The following UPK1B variants were observed in gnomAD, a reference collection of about 807,000 sequenced individuals.
UPK1B encodes uroplakin 1B, also known as uroplakin-1b.
UPK1B carries 28 observed loss-of-function variants against 34.2 expected under a neutral mutation model. The ratio of observed to expected loss-of-function variants is 0.82; its 90% CI spans 0.61 to 1.12. The LOEUF (loss-of-function observed/expected upper bound fraction) is 1.12. UPK1B is among the 50% of genes most tolerant of loss of function. The pLI, the probability that UPK1B is intolerant of heterozygous loss-of-function variation, is 0.00. For missense variants in UPK1B, 325 were observed against 320.9 expected (o/e 1.01, Z -0.10); for synonymous variants, 81 against 110.4 (o/e 0.73, Z 1.67).
At chr3:119,185,139 T>C (rs1259393058) in intron 1 of UPK1B, among the ~76,000 whole-genome samples, 1 of 152,220 alleles carries the variant, frequency 6.6e-6, no homozygotes. Context: ...ATTCTTCCAT[T>C]TCTCCAGCAA....
At position 119,179,380 on chromosome 3, in the gene UPK1B, T is replaced by C. The variant is rs1394344070; in HGVS notation, c.-29+5742T>C. On this transcript the variant is annotated intron_variant, in intron 1 of 7. Transcript: ENST00000264234. ...ATATATATATATATATATATATATA[T>C]ATATATATATATATATATTAATTCT... Among the ~76,000 whole-genome samples the C allele has an allele frequency of 1.8e-3, 157 of 85,286 alleles. 7 individuals are homozygous for C. Among genetic ancestry groups the C allele is most frequent in the Middle Eastern group, 4.9e-3 (1 of 206 alleles). 56.0% of individuals were successfully genotyped at this position (85,286 alleles called of 152,430 possible). A position where few individuals can be genotyped will look rare whatever the true frequency, so the allele number is the denominator to read the frequency against.
chr3:119,178,638 A>C (rs1576865406), intron 1 of UPK1B, among the ~76,000 whole-genome samples: 1 of 152,354 alleles, frequency 6.6e-6, no homozygotes, highest in Non-Finnish European at 1.5e-5. Flanking sequence ...TTTAGCATAG[A>C]CAGGTGGTAG....
chr3:119,184,988 C>G (rs1233089035), intron 1 of UPK1B, among the ~76,000 whole-genome samples: 1 of 152,238 alleles, frequency 6.6e-6, no homozygotes, highest in Non-Finnish European at 1.5e-5. Flanking sequence ...ACTCAACCAG[C>G]TACATGAGTA....
In UPK1B at chr3:119,173,790, G is replaced by A. The variant is rs150872077; in HGVS notation, c.-29+152G>A. ...GTCATTTTTTTCTTTGTAATTTAGG[G>A]TATTGTGACTGTCCTGTTCTCTTTT... On this transcript the variant is annotated intron_variant, in intron 1 of 7. Coordinates refer to ENST00000264234, the MANE Select transcript of UPK1B (RefSeq NM_006952.4). Among the ~76,000 whole-genome samples, 426 of 152,178 alleles carry A rather than the reference G, an allele frequency of 2.8e-3. 1 individual carries two copies. Among genetic ancestry groups the A allele is most frequent in the African/African-American group, 1.0e-2 (415 of 41,526 alleles).
At chr3:119,179,854 A>C (rs1270065050) in intron 1 of UPK1B, among the ~76,000 whole-genome samples, 1 of 101,920 alleles carries the variant, frequency 9.8e-6, no homozygotes, top group Non-Finnish European at 1.8e-5. Context: ...AGACGAGTGC[A>C]ATGGCGCAAT....
At chr3:119,187,673 G>A in intron 2 of UPK1B, 102 bp from the exon 3 acceptor site, 1 of 1,243,794 alleles carries the variant, frequency 8.0e-7, no homozygotes, top group Non-Finnish European at 1.2e-6. Flanking sequence ...GTTGCATAAA[G>A]CCTGTGCAGG....
intron 6 of UPK1B, among the ~76,000 whole-genome samples, chr3:119,197,782 A>G (rs569432137): frequency 6.6e-6 from 1 of 152,330 alleles, no homozygotes; most frequent in East Asian, 1.9e-4. Flanking sequence ...ATAGGCCATG[A>G]GCAGAAATAA....
intron 1 of UPK1B, among the ~76,000 whole-genome samples, chr3:119,180,632 G>A (rs372648342): frequency 2.0e-5 from 3 of 150,884 alleles, no homozygotes; most frequent in African/African-American, 2.4e-5. Flanking sequence ...TTCTTTCTCC[G>A]TGCCTATCCT....
chr3:119,199,104 G>T lies in UPK1B; in HGVS notation c.696G>T (p.Gly232=), dbSNP rs1559904422. 1 of 1,614,106 alleles carries T rather than the reference G, an allele frequency of 6.2e-7. No individual in the cohort carries two copies. Among genetic ancestry groups the T allele is most frequent in the Non-Finnish European group, 8.5e-7 (1 of 1,179,978 alleles). The change falls in exon 7 of 8, where the codon GGG becomes GGT. Residue 232 remains glycine (G), a synonymous_variant. Transcript: ENST00000264234. ...GTCCAATGAACCGACACGCCTGGGG[G>T]GTTGCCTGGTTTGGATTTGCCATTC... is the stretch of plus-strand genomic sequence containing the variant. ...ISGPMNRHAW[G]VAWFGFAILC...
intron 1 of UPK1B, among the ~76,000 whole-genome samples, chr3:119,184,330 G>T (rs1216266016): frequency 6.6e-6 from 1 of 152,130 alleles, no homozygotes; most frequent in East Asian, 1.9e-4. Context: ...GACCAATAAA[G>T]CCCCTCAGCG....
chr3:119,182,630 T>C (rs947657804), intron 1 of UPK1B, among the ~76,000 whole-genome samples: 1 of 152,232 alleles, frequency 6.6e-6, no homozygotes, highest in Non-Finnish European at 1.5e-5. Flanking sequence ...AACTCTGGCA[T>C]TCTGATGCCA....
intron 4 of UPK1B, 110 bp downstream of exon 4, chr3:119,190,429 T>C (rs1275136768): frequency 2.9e-6 from 2 of 681,880 alleles, no homozygotes; most frequent in Non-Finnish European, 2.5e-6. Context: ...ACAGTAATAA[T>C]ACATCTATCA....
At chr3:119,186,650 C>A (rs1421077348) in intron 1 of UPK1B, 64 bp from the exon 2 acceptor site, 6 of 1,282,272 alleles carry the variant, frequency 4.7e-6, no homozygotes, top group Non-Finnish European at 6.7e-6. Flanking sequence ...GGAGGCAATA[C>A]GCAATGGCTT....
chr3:119,176,765 A>C (rs2077958847), intron 1 of UPK1B, among the ~76,000 whole-genome samples: 1 of 152,200 alleles, frequency 6.6e-6, no homozygotes. Context: ...CTGCCAGATA[A>C]GTAATCCAAT....
intron 1 of UPK1B, chr3:119,176,013 T>G (rs1028432269): frequency 3.3e-5 from 5 of 152,152 alleles, no homozygotes; most frequent in Non-Finnish European, 5.9e-5. Context: ...TATCCTACCT[T>G]AAGTTGAAGC....
chr3:119,184,786 C>T (rs1045603207), intron 1 of UPK1B, among the ~76,000 whole-genome samples: 1 of 152,204 alleles, frequency 6.6e-6, no homozygotes, highest in African/African-American at 2.4e-5. Flanking sequence ...TTATTTCACA[C>T]AGTACATAAT....
chr3:119,178,495 A>G (rs1003022834), intron 1 of UPK1B, among the ~76,000 whole-genome samples: 1 of 152,174 alleles, frequency 6.6e-6, no homozygotes, highest in Non-Finnish European at 1.5e-5. Context: ...AGGACAGTGG[A>G]TCTCAAGATT....
At position 119,186,763 on chromosome 3, in the gene UPK1B, G is replaced by A. The variant is rs745378204; in HGVS notation, c.22G>A (p.Val8Ile). MAKDNST[V>I]RCFQGLLIFG... ...GAAGATGGCCAAAGACAACTCAACT[G>A]TTCGTTGCTTCCAGGGCCTGCTGAT... is the stretch of plus-strand genomic sequence containing the variant. Residue 8 changes from valine to isoleucine, a missense_variant, in exon 2 of 8, where the codon GTT becomes ATT. Physicochemically the swap from Val to Ile is conservative, Grantham distance 29. Transcript: ENST00000264234. The A allele has an allele frequency of 6.2e-7, 1 of 1,614,128 alleles. No individual in the cohort carries two copies. Among genetic ancestry groups the A allele is most frequent in the Non-Finnish European group, 8.5e-7 (1 of 1,180,002 alleles).
Position 119,175,647 on chromosome 3 carries a change from C to G in UPK1B, c.-29+2009C>G, listed in dbSNP as rs914609672. Among the ~76,000 whole-genome samples the G allele has an allele frequency of 7.2e-5, 11 of 151,792 alleles. No homozygotes were observed. The South Asian group carries it at 8.3e-4, about 12-fold the overall frequency. ...GCAACTGAGTGCTCCTGAGCCATTG[C>G]TTACAGCTAGTCCCTGATTTCCAAT... On this transcript the variant is annotated intron_variant, in intron 1 of 7. Coordinates refer to ENST00000264234, the MANE Select transcript of UPK1B (RefSeq NM_006952.4).
Sources: gnomAD v4.1 joint callset for allele counts (sites outside exome capture counted in the v4.1 genomes callset) on GRCh38, gnomAD v4.1.1 for gene constraint, MANE v1.5 for transcripts, NCBI Gene and HGNC (gene_info 2026-07-23, HGNC 2026-07-21) for gene names.